The following RANBP2 variants were observed in gnomAD, a reference collection of about 807,000 sequenced individuals.
RANBP2 encodes the protein RAN binding protein 2, also known as E3 SUMO-protein ligase RanBP2.
A neutral mutation model predicts 303.6 loss-of-function variants in RANBP2; 57 were observed. That is an observed-to-expected ratio of 0.19 (90% confidence interval 0.15 to 0.23). RANBP2 has a LOEUF of 0.23. Ranked by LOEUF, RANBP2 falls within the 10% of genes least tolerant of loss-of-function variation. The pLI is 1.00. For missense variants in RANBP2, 3,138 were observed against 3,780.8 expected, an observed-to-expected ratio of 0.83 and a Z score of 4.46; for synonymous variants, 1,167 against 1,301.5, an observed-to-expected ratio of 0.90 and a Z score of 2.23.
the RANBP2 span, among the ~76,000 whole-genome samples, chr2:109,200,322 A>G: frequency 6.6e-6 from 1 of 152,152 alleles, no homozygotes; most frequent in African/African-American, 2.4e-5. Context: ...ACCCTGCCGC[A>G]GAACTCACTA....
At chr2:109,729,564 C>T in the RANBP2 span, among the ~76,000 whole-genome samples, 20 of 152,112 alleles carry the variant, frequency 1.3e-4, no homozygotes, top group Admixed American at 1.2e-3. Context: ...GCAGAAAAAT[C>T]GCTTGAACCT....
chr2:109,541,229 C>A, the RANBP2 span, among the ~76,000 whole-genome samples: 4 of 152,146 alleles, frequency 2.6e-5, no homozygotes, highest in African/African-American at 9.7e-5. Flanking sequence ...ACCTGAGATC[C>A]CTCGATTTAC....
the RANBP2 span, chr2:109,667,333 T>A: frequency 1.8e-6 from 1 of 558,840 alleles, no homozygotes; most frequent in Non-Finnish European, 3.3e-6. Context: ...GAGAGGAAAA[T>A]AACACTCTTG....
chr2:109,468,645 G>A, the RANBP2 span, among the ~76,000 whole-genome samples: 1 of 151,972 alleles, frequency 6.6e-6, no homozygotes, highest in Admixed American at 6.6e-5. Flanking sequence ...TTTGAGGTCA[G>A]GAGTTTGAGA....
the RANBP2 span, among the ~76,000 whole-genome samples, chr2:109,358,794 C>G: frequency 6.6e-6 from 1 of 152,212 alleles, no homozygotes; most frequent in Non-Finnish European, 1.5e-5. Context: ...TTAATGAAGT[C>G]TAACTTATCA....
chr2:109,598,165 C>T, the RANBP2 span, among the ~76,000 whole-genome samples: 3 of 152,126 alleles, frequency 2.0e-5, no homozygotes, highest in Non-Finnish European at 2.9e-5. Flanking sequence ...TGGGTTCAAG[C>T]GATTTGTCTG....
At chr2:109,092,085 G>T in the RANBP2 span, among the ~76,000 whole-genome samples, 1 of 152,112 alleles carries the variant, frequency 6.6e-6, no homozygotes, top group Non-Finnish European at 1.5e-5. Context: ...TTAGGGATCT[G>T]ATTTGGAAGG....
At chr2:109,386,664 C>T in the RANBP2 span, among the ~76,000 whole-genome samples, 2 of 152,200 alleles carry the variant, frequency 1.3e-5, no homozygotes, top group African/African-American at 4.8e-5. Context: ...CTAGGGGCAG[C>T]CCCAGGATCC....
chr2:108,766,126 C>T lies in RANBP2; in HGVS notation c.5587C>T (p.His1863Tyr). ...TACAGAGCAAGGATTCAAATTTGGG[C>T]ATGTGGATCAAGAAAATTCACCTTC... ...GNTEQGFKFG[H>Y]VDQENSPSFM... is the part of the protein sequence containing the mutation. The change falls in exon 20 of 29, where the codon CAT (histidine) becomes TAT (tyrosine). Residue 1863 changes from histidine (H) to tyrosine (Y), a missense_variant. This residue lies in a region of RANBP2 where 348 missense variants were observed against 360.4 expected (regional missense o/e 0.97). Coordinates refer to ENST00000283195, the MANE Select transcript of RANBP2 (RefSeq NM_006267.5). 1 of 1,613,730 alleles carries T rather than the reference C, an allele frequency of 6.2e-7. No homozygotes were observed. The highest frequency in any genetic ancestry group is 1.1e-5 in the South Asian group (1 of 91,066).
chr2:109,233,704 T>C, the RANBP2 span, among the ~76,000 whole-genome samples: 3 of 152,236 alleles, frequency 2.0e-5, no homozygotes, highest in African/African-American at 7.2e-5. Flanking sequence ...TCCTTTTGGC[T>C]CGGAATATTC....
chr2:109,202,486 G>A, the RANBP2 span, among the ~76,000 whole-genome samples: 8 of 152,168 alleles, frequency 5.3e-5, no homozygotes, highest in African/African-American at 2.4e-5. Flanking sequence ...TCCCTGGGGC[G>A]CGTTCTTGTT....
the RANBP2 span, among the ~76,000 whole-genome samples, chr2:109,306,853 C>T: frequency 1.3e-5 from 2 of 152,198 alleles, no homozygotes; most frequent in Non-Finnish European, 2.9e-5. Flanking sequence ...GTTGAGTAAG[C>T]TGCAGGAGAG....
the RANBP2 span, among the ~76,000 whole-genome samples, chr2:109,279,183 C>T: frequency 9.2e-5 from 14 of 152,268 alleles, no homozygotes; most frequent in African/African-American, 2.6e-4. Flanking sequence ...TCCATGCATA[C>T]GTTTTGGGAA....
the RANBP2 span, among the ~76,000 whole-genome samples, chr2:109,540,682 T>C: frequency 1.3e-5 from 2 of 150,744 alleles, no homozygotes; most frequent in Non-Finnish European, 2.9e-5. Context: ...AAAAAATTAG[T>C]TGGGCATGGT....
the RANBP2 span, among the ~76,000 whole-genome samples, chr2:109,056,742 T>C: frequency 6.6e-6 from 1 of 152,194 alleles, no homozygotes; most frequent in Admixed American, 6.5e-5. Context: ...GAAGGTGTGG[T>C]TCAACACTGG....
chr2:109,442,285 TG>T, the RANBP2 span, among the ~76,000 whole-genome samples: 2,392 of 141,726 alleles, frequency 0.017, 64 homozygotes, highest in African/African-American at 0.06. Context: ...CACTCCAGCC[TG>T]GGCAACGGAG....
the RANBP2 span, among the ~76,000 whole-genome samples, chr2:109,626,954 T>C: frequency 6.6e-6 from 1 of 152,100 alleles, no homozygotes; most frequent in South Asian, 2.1e-4. Flanking sequence ...GGGTGGTGTG[T>C]GCTCAGACTT....
the RANBP2 span, among the ~76,000 whole-genome samples, chr2:109,223,994 T>G: frequency 6.6e-6 from 1 of 152,140 alleles, no homozygotes; most frequent in Non-Finnish European, 1.5e-5. Flanking sequence ...AGAGTGAGAC[T>G]CCGTCTCAAA....
chr2:109,140,200 C>T, the RANBP2 span, among the ~76,000 whole-genome samples: 1 of 152,098 alleles, frequency 6.6e-6, no homozygotes, highest in South Asian at 2.1e-4. Context: ...GCATATGGGT[C>T]GATTGATGCA....
Sources: allele counts gnomAD v4.1 joint callset (sites outside exome capture counted in the v4.1 genomes callset), GRCh38; gene constraint gnomAD v4.1.1; regional missense constraint gnomAD v4.1.1; transcripts MANE v1.5; gene names NCBI Gene and HGNC (gene_info 2026-07-23, HGNC 2026-07-21).